SCAPER: variants seen among roughly 807,000 people sequenced by gnomAD.
SCAPER encodes S-phase cyclin A associated protein in the ER, also known as S phase cyclin A-associated protein in the endoplasmic reticulum.
A neutral mutation model predicts 182.2 loss-of-function variants in SCAPER; 98 were observed. The observed-to-expected ratio is 0.54, with a 90% CI of 0.46 to 0.64. The LOEUF (loss-of-function observed/expected upper bound fraction) is 0.64, where lower values mean the gene tolerates loss of function less well. Ranked by LOEUF, SCAPER falls within the 30% of genes least tolerant of loss-of-function variation. The pLI, the probability that SCAPER is intolerant of heterozygous loss-of-function variation, is 0.00. For missense variants in SCAPER, 1,432 were observed against 1,690.0 expected (o/e 0.85, Z 2.68); for synonymous variants, 605 against 564.6 (o/e 1.07, Z -1.01).
At chr15:76,441,557 A>G (rs749385282) in intron 25 of SCAPER, among the ~76,000 whole-genome samples, 3 of 151,978 alleles carry the variant, frequency 2.0e-5, no homozygotes, top group African/African-American at 4.8e-5. Flanking sequence ...TTCCTCCCCA[A>G]ATTAATATAC....
intron 25 of SCAPER, among the ~76,000 whole-genome samples, chr15:76,436,730 T>A (rs2047223355): frequency 6.6e-6 from 1 of 152,218 alleles, no homozygotes; most frequent in Admixed American, 6.5e-5. Context: ...TTTGTTCATA[T>A]TTAAGATTGA....
intron 1 of SCAPER, among the ~76,000 whole-genome samples, chr15:76,894,524 TAA>T (rs758649455): frequency 4.6e-5 from 7 of 151,788 alleles, no homozygotes; most frequent in Non-Finnish European, 7.4e-5. Context: ...AAACTAAATC[TAA>T]AGTCAGCATA....
intron 22 of SCAPER, among the ~76,000 whole-genome samples, chr15:76,608,914 C>T (rs2050721067): frequency 6.6e-6 from 1 of 152,182 alleles, no homozygotes; most frequent in African/African-American, 2.4e-5. Flanking sequence ...TTTCCAGGTG[C>T]CGTCTGTCAC....
intron 14 of SCAPER, among the ~76,000 whole-genome samples, chr15:76,757,346 ATT>A (rs753298327): frequency 2.6e-5 from 4 of 151,640 alleles, no homozygotes; most frequent in Admixed American, 1.3e-4. Flanking sequence ...ATCATGCAGC[ATT>A]TCTCTCTCTC....
At chr15:76,710,449 TA>T (rs977634516) in intron 17 of SCAPER, among the ~76,000 whole-genome samples, 11 of 152,048 alleles carry the variant, frequency 7.2e-5, no homozygotes, top group Non-Finnish European at 1.6e-4. Flanking sequence ...AACAGAGTTG[TA>T]GAATGAAATA....
chr15:76,359,631 T>C (rs1037572901), intron 29 of SCAPER, among the ~76,000 whole-genome samples: 6 of 152,178 alleles, frequency 3.9e-5, no homozygotes, highest in African/African-American at 1.4e-4. Context: ...AAGGATGAGC[T>C]TCCCTTGAAG....
At chr15:76,741,684 G>C (rs1490144657) in intron 15 of SCAPER, among the ~76,000 whole-genome samples, 4 of 152,096 alleles carry the variant, frequency 2.6e-5, no homozygotes, top group Admixed American at 1.3e-4. Context: ...ACAAAAAGTT[G>C]TCAAGAAGAG....
intron 23 of SCAPER, among the ~76,000 whole-genome samples, chr15:76,525,079 C>T (rs2436996): frequency 0.28 from 43,275 of 151,888 alleles, 7,219 homozygotes; most frequent in East Asian, 0.58. Context: ...AAGATTTTCA[C>T]GGGTAGATCA....
At chr15:76,764,288 GTCCTCAGCTCC>G (rs1488252254) in intron 14 of SCAPER, among the ~76,000 whole-genome samples, 28 of 152,242 alleles carry the variant, frequency 1.8e-4, no homozygotes, top group African/African-American at 6.3e-4. Flanking sequence ...TAACAGGGCA[GTCCTCAGCTCC>G]AAAAGCTACA....
chr15:76,533,251 T>C (rs2043830951), intron 23 of SCAPER, among the ~76,000 whole-genome samples: 1 of 152,122 alleles, frequency 6.6e-6, no homozygotes, highest in Non-Finnish European at 1.5e-5. Context: ...ATCAAATACG[T>C]CAATATTTAC....
intron 26 of SCAPER, among the ~76,000 whole-genome samples, 184 bp from the exon 27 acceptor site, chr15:76,404,863 G>C (rs2142148442): frequency 6.6e-6 from 1 of 152,108 alleles, no homozygotes; most frequent in South Asian, 2.1e-4. Context: ...AGCTCTTTCT[G>C]TAAGTATTTT....
At chr15:76,744,078 TTAAC>T (rs1044573850) in intron 15 of SCAPER, among the ~76,000 whole-genome samples, 5 of 152,076 alleles carry the variant, frequency 3.3e-5, no homozygotes, top group Admixed American at 2.6e-4. Context: ...GGATAACTGG[TTAAC>T]TATATGCAGA....
Position 76,482,624 on chromosome 15 carries a change from C to T in SCAPER, c.2955-11289G>A, listed in dbSNP as rs146437568. 2.1e-3 allele frequency among the ~76,000 whole-genome samples: 312 copies of T among 152,146 alleles called. 2 individuals are homozygous for T. The highest frequency in any genetic ancestry group is 6.6e-3 in the African/African-American group (274 of 41,532). On this transcript the variant is annotated intron_variant, in intron 24 of 31. Coordinates refer to ENST00000563290, the MANE Select transcript of SCAPER (RefSeq NM_020843.4). ...AAGTTCCAAAGATGTGACAAAAAGC[C>T]TCCTCGAATGAATAAGCAATTAAAG...
intron 2 of SCAPER, among the ~76,000 whole-genome samples, chr15:76,876,132 C>A (rs1341717139): frequency 6.6e-6 from 1 of 152,226 alleles, no homozygotes; most frequent in Non-Finnish European, 1.5e-5. Context: ...AGCCCACGCC[C>A]ATCAGGAACT....
intron 24 of SCAPER, among the ~76,000 whole-genome samples, chr15:76,481,673 A>T (rs1320252837): frequency 6.6e-6 from 1 of 152,224 alleles, no homozygotes; most frequent in Non-Finnish European, 1.5e-5. Flanking sequence ...TCCTCATCCC[A>T]ATTATAGCCT....
At chr15:76,763,358 G>A (rs747303531) in intron 14 of SCAPER, among the ~76,000 whole-genome samples, 1 of 147,190 alleles carries the variant, frequency 6.8e-6, no homozygotes, top group Non-Finnish European at 1.5e-5. Flanking sequence ...GGGGGTGGTG[G>A]GGGGGCAGGT....
intron 5 of SCAPER, among the ~76,000 whole-genome samples, chr15:76,837,057 A>T (rs2151748851): frequency 6.6e-6 from 1 of 152,350 alleles, no homozygotes; most frequent in East Asian, 1.9e-4. Flanking sequence ...TAATTAAACT[A>T]AACATCTTCT....
At chr15:76,874,183 C>T (rs573276775) in intron 2 of SCAPER, among the ~76,000 whole-genome samples, 9 of 152,134 alleles carry the variant, frequency 5.9e-5, no homozygotes, top group South Asian at 2.1e-4. Context: ...CATGAGCTAC[C>T]GCACCCTGCC....
At chr15:76,888,046 T>G (rs970359043) in intron 1 of SCAPER, among the ~76,000 whole-genome samples, 5 of 152,072 alleles carry the variant, frequency 3.3e-5, no homozygotes, top group African/African-American at 1.2e-4. Flanking sequence ...GTGTCTGGAG[T>G]GGACCTCCAG....
Sources: allele counts gnomAD v4.1 joint callset (sites outside exome capture counted in the v4.1 genomes callset), GRCh38; gene constraint gnomAD v4.1.1; transcripts MANE v1.5; gene names NCBI Gene and HGNC (gene_info 2026-07-23, HGNC 2026-07-21).